The following TIMELESS variants were observed in gnomAD, a reference collection of about 807,000 sequenced individuals.
The protein encoded by TIMELESS is protein timeless homolog.
In TIMELESS, 124 loss-of-function variants were observed where a neutral mutation model predicts 164.3. The ratio of observed to expected loss-of-function variants is 0.75; its 90% CI spans 0.65 to 0.88. The LOEUF (loss-of-function observed/expected upper bound fraction) is 0.88, where lower values mean the gene tolerates loss of function less well. TIMELESS is among the 40% of genes least tolerant of loss of function. The pLI is 0.00. For missense variants in TIMELESS, 1,422 were observed against 1,491.4 expected, an observed-to-expected ratio of 0.95 and a Z score of 0.77; for synonymous variants, 564 against 563.4, an observed-to-expected ratio of 1.00 and a Z score of -0.02.
intron 1 of TIMELESS, among the ~76,000 whole-genome samples, chr12:56,441,826 G>A (rs1483695908): frequency 6.6e-6 from 1 of 152,180 alleles, no homozygotes; most frequent in African/African-American, 2.4e-5. Context: ...GCTCACGCCT[G>A]TAATCCCAGC....
At chr12:56,438,697 G>A (rs1882150017) in intron 1 of TIMELESS, among the ~76,000 whole-genome samples, 1 of 143,128 alleles carries the variant, frequency 7.0e-6, no homozygotes, top group South Asian at 2.2e-4. Flanking sequence ...AGAATTACTT[G>A]AGCCTGGGAG....
At chr12:56,429,758 CCA>C (rs1214297759) in intron 10 of TIMELESS, among the ~76,000 whole-genome samples, 2 of 150,728 alleles carry the variant, frequency 1.3e-5, no homozygotes, top group Non-Finnish European at 2.9e-5. Context: ...CTCAAGTGAT[CCA>C]CTGCCTCAGC....
chr12:56,422,813 A>ACCCCCCC, intron 19 of TIMELESS, 34 bp downstream of exon 19: 2 of 1,357,020 alleles, frequency 1.5e-6, no homozygotes, highest in Non-Finnish European at 2.1e-6. Flanking sequence ...AACTTCCCCT[A>ACCCCCCC]CCCCCACCCA....
intron 28 of TIMELESS, 56 bp downstream of exon 28, chr12:56,417,851 G>C: frequency 1.9e-6 from 3 of 1,613,406 alleles, no homozygotes; most frequent in Non-Finnish European, 2.5e-6. Flanking sequence ...TAAGGACGTG[G>C]TAGAGTTTGT....
rs971131699 is a variant in TIMELESS, at chr12:56,417,962, T to C, written c.3501A>G (p.Lys1167=). The C allele has an allele frequency of 1.9e-6, 3 of 1,614,092 alleles. No individual in the cohort carries two copies. The highest frequency in any genetic ancestry group is 2.5e-6 in the Non-Finnish European group (3 of 1,180,058). Residue 1167 remains lysine, a synonymous_variant, in exon 28 of 29, where the codon AAA becomes AAG. Transcript: ENST00000553532. Reference sequence around the variant, plus strand: ...CCTCGTCGCTGTCCAGCAATTGTCGTTTCTTGGGTGCTGCCTTCAGCGGCT... The same window carrying C: ...CCTCGTCGCTGTCCAGCAATTGTCGCTTCTTGGGTGCTGCCTTCAGCGGCT... ...GKEPLKAAPK[K]RQLLDSDEEQ...
intron 1 of TIMELESS, among the ~76,000 whole-genome samples, chr12:56,434,451 A>G (rs6581094): frequency 0.55 from 83,845 of 152,046 alleles, 23,892 homozygotes; most frequent in African/African-American, 0.64. Flanking sequence ...TTAAGCACCT[A>G]CCCTGGCCAG....
intron 13 of TIMELESS, among the ~76,000 whole-genome samples, chr12:56,426,251 T>A (rs185987747): frequency 1.3e-5 from 2 of 152,272 alleles, no homozygotes; most frequent in Admixed American, 6.5e-5. Context: ...GTATTACAGA[T>A]AATACCACAG....
In TIMELESS at chr12:56,432,856, G is replaced by A. The variant is rs191806220; in HGVS notation, c.531+170C>T. 2.4e-4 allele frequency among the ~76,000 whole-genome samples: 36 copies of A among 150,690 alleles called. No individual in the cohort carries two copies. In the East Asian group the frequency reaches 6.5e-3, roughly 27 times the overall value. Reference sequence around the variant, plus strand: ...CCCAGCTACTCAGGAGGCAGAGGCTGAGGCAGGAGAATGGCGTGAACCCAG... The same window carrying A: ...CCCAGCTACTCAGGAGGCAGAGGCTAAGGCAGGAGAATGGCGTGAACCCAG... On this transcript the variant is annotated intron_variant, in intron 6 of 28. Coordinates refer to ENST00000553532, the MANE Select transcript of TIMELESS (RefSeq NM_003920.5).
At chr12:56,427,842 C>T (rs752568272) in intron 13 of TIMELESS, among the ~76,000 whole-genome samples, 3 of 152,316 alleles carry the variant, frequency 2.0e-5, no homozygotes, top group Non-Finnish European at 2.9e-5. Context: ...TCCTCAAGCG[C>T]GGGGATTACA....
At chr12:56,444,552 C>T (rs920750377) in intron 1 of TIMELESS, among the ~76,000 whole-genome samples, 1 of 152,074 alleles carries the variant, frequency 6.6e-6, no homozygotes, top group African/African-American at 2.4e-5. Flanking sequence ...CAAGGCTATT[C>T]CATCTGTTTT....
chr12:56,433,861 G>C lies in TIMELESS; in HGVS notation c.163C>G (p.Leu55Val), dbSNP rs1359403633. The change falls in exon 3 of 29, where the codon CTG becomes GTG. Residue 55 changes from leucine (L) to valine (V), a missense_variant. Transcript: ENST00000553532. ...CTCTGTAGGATCTGGGCTGCCCCCA[G>C]CTGCTGCCGCACATCTCGTGTCTCA... is the stretch of plus-strand genomic sequence containing the variant. Reference protein sequence around the residue: ...EDETRDVRQQLGAAQILQSDL... With the variant: ...EDETRDVRQQVGAAQILQSDL... 1.2e-6 allele frequency: 2 copies of C among 1,614,186 alleles called. No individual in the cohort carries two copies. The highest frequency in any genetic ancestry group is 1.7e-5 in the Admixed American group (1 of 60,030).
At chr12:56,420,006 CAAAAA>C (rs57647901) in intron 26 of TIMELESS, among the ~76,000 whole-genome samples, 85 of 13,290 alleles carry the variant, frequency 6.4e-3, no homozygotes, top group Non-Finnish European at 8.2e-3. Context: ...GACTCTGTCT[CAAAAA>C]AAAAAAAAAA....
At chr12:56,429,991 C>G in intron 10 of TIMELESS, 114 bp downstream of exon 10, 1 of 1,032,542 alleles carries the variant, frequency 9.7e-7, no homozygotes, top group Non-Finnish European at 1.4e-6. Flanking sequence ...CCTACGAGTC[C>G]ACATTCCAGG....
intron 1 of TIMELESS, among the ~76,000 whole-genome samples, chr12:56,443,088 G>A (rs774043): frequency 1 from 151,929 of 152,310 alleles, 75,777 homozygotes; most frequent in East Asian, 1. Flanking sequence ...GGCACCCTGA[G>A]AAAGAACAGA....
chr12:56,418,153 C>T lies in TIMELESS; in HGVS notation c.3435G>A (p.Ala1145=), dbSNP rs61937716. 8,967 of 1,614,200 alleles carry T rather than the reference C, an allele frequency of 5.6e-3. 29 individuals are homozygous for T. The highest frequency in any genetic ancestry group is 6.6e-3 in the Non-Finnish European group (7,763 of 1,180,038). ...TATTACCCTCTGGGGATGCCAGGCCCGCTTTCTTCTTGTGGGCTAGCAAGA... is the reference window on the plus strand; with the variant it reads ...TATTACCCTCTGGGGATGCCAGGCCTGCTTTCTTCTTGTGGGCTAGCAAGA... ...RALLLAHKKK[A]GLASPEEEDA... Residue 1145 remains alanine (A), a synonymous_variant, in exon 27 of 29, where the codon GCG becomes GCA. Coordinates refer to ENST00000553532, the MANE Select transcript of TIMELESS (RefSeq NM_003920.5).
chr12:56,427,375 G>T (rs1430610979), intron 13 of TIMELESS, among the ~76,000 whole-genome samples: 1 of 151,674 alleles, frequency 6.6e-6, no homozygotes, highest in South Asian at 2.1e-4. Flanking sequence ...CACCCACTGT[G>T]GCCTCCCAAA....
intron 1 of TIMELESS, among the ~76,000 whole-genome samples, chr12:56,440,949 C>T (rs1868265783): frequency 6.6e-6 from 1 of 151,904 alleles, no homozygotes; most frequent in Non-Finnish European, 1.5e-5. Flanking sequence ...TCCCAAGTAG[C>T]TGGGATTACA....
chr12:56,425,266 T>C, intron 13 of TIMELESS, 114 bp from the exon 14 acceptor site: 1 of 1,270,424 alleles, frequency 7.9e-7, no homozygotes, highest in Non-Finnish European at 1.1e-6. Flanking sequence ...GCCCATTATC[T>C]GCTATCCATC....
intron 15 of TIMELESS, 112 bp from the exon 16 acceptor site, chr12:56,424,006 A>T: frequency 1.1e-6 from 1 of 940,776 alleles, no homozygotes; most frequent in Non-Finnish European, 1.6e-6. Context: ...CAGAAACAGA[A>T]TGCAAACTGT....
Sources: gnomAD v4.1 joint callset for allele counts (sites outside exome capture counted in the v4.1 genomes callset) on GRCh38, gnomAD v4.1.1 for gene constraint, MANE v1.5 for transcripts, NCBI Gene and HGNC (gene_info 2026-07-23, HGNC 2026-07-21) for gene names.